The following SLC38A8 variants were observed in gnomAD, a reference collection of about 807,000 sequenced individuals.
SLC38A8 encodes the protein solute carrier family 38 member 8, also known as amino acid transporter SLC38A8.
SLC38A8 carries 65 observed loss-of-function variants against 46.0 expected under a neutral mutation model. The observed-to-expected ratio is 1.41, with a 90% CI of 1.16 to 1.74. SLC38A8 has a LOEUF of 1.74. SLC38A8 is among the 40% of genes most tolerant of loss of function. The probability of loss-of-function intolerance (pLI) is 0.00; values close to 1 mark genes in which losing one functional copy is unlikely to be tolerated. For synonymous variants in SLC38A8, 447 were observed against 243.7 expected (o/e 1.83, Z -7.77); for missense variants, 998 against 567.9 (o/e 1.76, Z -7.70).
intron 7 of SLC38A8, among the ~76,000 whole-genome samples, chr16:84,021,309 C>G (rs934168502): frequency 9.2e-5 from 14 of 152,332 alleles, no homozygotes; most frequent in African/African-American, 3.1e-4. Context: ...AAGTGATCCA[C>G]CTGCCTCGGC....
intron 7 of SLC38A8, among the ~76,000 whole-genome samples, chr16:84,018,121 G>C (rs1295323514): frequency 6.6e-6 from 1 of 151,734 alleles, no homozygotes; most frequent in Non-Finnish European, 1.5e-5. Flanking sequence ...GTCCAAGATT[G>C]AGTGCCCACA....
chr16:84,020,855 G>T (rs759700538), intron 7 of SLC38A8, among the ~76,000 whole-genome samples: 2 of 152,134 alleles, frequency 1.3e-5, no homozygotes, highest in East Asian at 3.9e-4. Context: ...CCACAACCTT[G>T]GTTTCCTATA....
At chr16:84,013,102 C>A in intron 9 of SLC38A8, 50 bp from the exon 10 acceptor site, 1 of 1,610,440 alleles carries the variant, frequency 6.2e-7, no homozygotes, top group Non-Finnish European at 8.5e-7. Flanking sequence ...AAACCCAAAG[C>A]AACAAAAAGG....
chr16:84,026,102 C>T (rs1336082049), intron 6 of SLC38A8, among the ~76,000 whole-genome samples: 1 of 152,268 alleles, frequency 6.6e-6, no homozygotes, highest in Admixed American at 6.5e-5. Context: ...CGAACGGCAG[C>T]TCTGCGTATA....
intron 6 of SLC38A8, 92 bp from the exon 7 acceptor site, chr16:84,022,981 G>T (rs1409603888): frequency 2.3e-6 from 2 of 854,130 alleles, no homozygotes; most frequent in Non-Finnish European, 3.5e-6. Flanking sequence ...GGGAAATGTG[G>T]GATATGATGA....
At chr16:84,024,477 G>C (rs1306057958) in intron 6 of SLC38A8, among the ~76,000 whole-genome samples, 2 of 151,818 alleles carry the variant, frequency 1.3e-5, no homozygotes, top group African/African-American at 4.8e-5. Flanking sequence ...CCATGCCCAA[G>C]GGGGATAAGA....
At chr16:84,033,229 G>A in intron 4 of SLC38A8, 99 bp downstream of exon 4, 3 of 1,521,844 alleles carry the variant, frequency 2.0e-6, no homozygotes, top group Admixed American at 2.0e-5. Context: ...CAAATGTGAA[G>A]GCCAATTCCC....
chr16:84,015,569 G>GC (rs2085015328), intron 9 of SLC38A8, among the ~76,000 whole-genome samples: 1 of 1,324 alleles, frequency 7.6e-4, no homozygotes, highest in South Asian at 0.056. Flanking sequence ...TACTAGCTGT[G>GC]CCCCCGGCGG....
intron 3 of SLC38A8, 21 bp from the exon 4 acceptor site, chr16:84,033,490 G>A (rs376859335): frequency 3.4e-5 from 53 of 1,579,438 alleles, no homozygotes; most frequent in Admixed American, 5.3e-5. Context: ...CACGGGGAGA[G>A]CTGAGCCACA....
chr16:84,016,859 C>T, intron 8 of SLC38A8, 132 bp from the exon 9 acceptor site: 1 of 1,123,568 alleles, frequency 8.9e-7, no homozygotes, highest in Non-Finnish European at 1.2e-6. Context: ...GGTGTTTATT[C>T]CCCAGGAGAC....
Position 84,042,072 on chromosome 16 carries a change from G to A in SLC38A8, c.86C>T (p.Ala29Val). 1 of 1,614,092 alleles carries A rather than the reference G, an allele frequency of 6.2e-7. No homozygotes were observed. The highest frequency in any genetic ancestry group is 8.5e-7 in the Non-Finnish European group (1 of 1,180,002). Residue 29 changes from alanine (A) to valine (V), a missense_variant, in exon 2 of 11, where the codon GCT (alanine) becomes GTT (valine). Physicochemically the swap from Ala to Val is moderately conservative, Grantham distance 64. Transcript: ENST00000299709. ...CGCGGACTTCATGAGGATGAAGACA[G>A]CGCCCATCGAGGACAGAGTGGCAGC... ...TAAATLSSMG[A>V]VFILMKSALG...
intron 7 of SLC38A8, among the ~76,000 whole-genome samples, chr16:84,018,714 G>C (rs1336851059): frequency 6.6e-6 from 1 of 152,156 alleles, no homozygotes; most frequent in Non-Finnish European, 1.5e-5. Context: ...AATTTTCCTT[G>C]TCATTGGGAT....
intron 7 of SLC38A8, among the ~76,000 whole-genome samples, chr16:84,018,223 C>CTTTTTTTTTTTT (rs796178053): frequency 1.3e-5 from 1 of 79,904 alleles, no homozygotes; most frequent in African/African-American, 6.6e-5. Flanking sequence ...GCCCTCATTC[C>CTTTTTTTTTTTT]TTTTTTTTTT....
intron 7 of SLC38A8, among the ~76,000 whole-genome samples, chr16:84,019,276 G>T (rs1227994575): frequency 6.6e-6 from 1 of 152,030 alleles, no homozygotes; most frequent in African/African-American, 2.4e-5. Context: ...GGGTTTCACT[G>T]TGTTAGCCAG....
intron 6 of SLC38A8, among the ~76,000 whole-genome samples, chr16:84,026,427 A>G (rs1168421919): frequency 6.6e-6 from 1 of 152,142 alleles, no homozygotes. Flanking sequence ...GGGTTTCACC[A>G]TGTTGGCCAG....
At chr16:84,020,235 G>A (rs1396849621) in intron 7 of SLC38A8, among the ~76,000 whole-genome samples, 1 of 151,878 alleles carries the variant, frequency 6.6e-6, no homozygotes, top group African/African-American at 2.4e-5. Context: ...TGACCTCCAG[G>A]GCTCAAGTGA....
chr16:84,011,903 A>G (rs1223210836), intron 10 of SLC38A8, among the ~76,000 whole-genome samples: 1 of 152,164 alleles, frequency 6.6e-6, no homozygotes, highest in African/African-American at 2.4e-5. Context: ...AATAAATAAA[A>G]GCAGAGGGAT....
At chr16:84,033,213 C>T (rs1166991365) in intron 4 of SLC38A8, 115 bp downstream of exon 4, 10 of 1,431,008 alleles carry the variant, frequency 7.0e-6, no homozygotes, top group Admixed American at 4.3e-5. Flanking sequence ...TCGTTTTCCC[C>T]TTCTCCAAAT....
intron 6 of SLC38A8, among the ~76,000 whole-genome samples, chr16:84,028,554 C>G (rs1410159459): frequency 6.9e-6 from 1 of 145,174 alleles, no homozygotes; most frequent in African/African-American, 2.5e-5. Context: ...AAGAATGAGA[C>G]TCCAACTCAA....
Sources: gnomAD v4.1 joint callset for allele counts (sites outside exome capture counted in the v4.1 genomes callset) on GRCh38, gnomAD v4.1.1 for gene constraint, MANE v1.5 for transcripts, NCBI Gene and HGNC (gene_info 2026-07-23, HGNC 2026-07-21) for gene names.